Variants in PPA2 observed in about 807,000 individuals in gnomAD.
PPA2 encodes inorganic pyrophosphatase 2.
Under a neutral mutation model 49.5 loss-of-function variants are expected in PPA2, and 48 were observed. The ratio of observed to expected loss-of-function variants is 0.97; its 90% CI spans 0.77 to 1.23. The LOEUF (loss-of-function observed/expected upper bound fraction) is 1.23, where lower values mean the gene tolerates loss of function less well. PPA2 is among the 50% of genes most tolerant of loss of function. The pLI, the probability that PPA2 is intolerant of heterozygous loss-of-function variation, is 0.00. For synonymous variants in PPA2, 131 were observed against 139.9 expected, an observed-to-expected ratio of 0.94 and a Z score of 0.45; for missense variants, 429 against 410.1, an observed-to-expected ratio of 1.05 and a Z score of -0.40.
At chr4:105,408,661 A>G (rs960435283) in intron 7 of PPA2, among the ~76,000 whole-genome samples, 1 of 152,236 alleles carries the variant, frequency 6.6e-6, no homozygotes, top group Non-Finnish European at 1.5e-5. Context: ...TAGAATGTAT[A>G]TATGACTAAA....
chr4:105,421,433 T>C (rs913385860), intron 7 of PPA2, among the ~76,000 whole-genome samples: 8 of 152,324 alleles, frequency 5.3e-5, no homozygotes, highest in East Asian at 1.9e-4. Context: ...TTTCCATGTA[T>C]AAAATTAATT....
At chr4:105,429,327 G>A (rs1033005872) in intron 6 of PPA2, among the ~76,000 whole-genome samples, 6 of 152,116 alleles carry the variant, frequency 3.9e-5, no homozygotes, top group African/African-American at 1.2e-4. Flanking sequence ...CAAAGATGGC[G>A]TATCTTACAG....
intron 10 of PPA2, among the ~76,000 whole-genome samples, chr4:105,382,816 T>A (rs893985009): frequency 6.6e-6 from 1 of 151,982 alleles, no homozygotes; most frequent in African/African-American, 2.4e-5. Flanking sequence ...CTGGGCAATA[T>A]AGCAAAACTC....
intron 9 of PPA2, 28 bp downstream of exon 9, chr4:105,396,221 T>A (rs201347069): frequency 1.8e-5 from 25 of 1,381,658 alleles, no homozygotes; most frequent in South Asian, 4.0e-5. Flanking sequence ...AATATAACAT[T>A]ACTTACATAG....
chr4:105,386,823 T>C (rs1205496221), intron 9 of PPA2, among the ~76,000 whole-genome samples, 187 bp from the exon 10 acceptor site: 2 of 152,196 alleles, frequency 1.3e-5, no homozygotes, highest in East Asian at 3.8e-4. Flanking sequence ...GTTCTAAGTA[T>C]AGAGTAGTCC....
chr4:105,433,433 G>GA (rs1307816328), intron 6 of PPA2, among the ~76,000 whole-genome samples: 1 of 152,156 alleles, frequency 6.6e-6, no homozygotes, highest in Non-Finnish European at 1.5e-5. Context: ...ACTCCCATTT[G>GA]AAAAATTACA....
chr4:105,461,437 C>T (rs1019533718), intron 1 of PPA2, among the ~76,000 whole-genome samples: 1 of 152,172 alleles, frequency 6.6e-6, no homozygotes, highest in Non-Finnish European at 1.5e-5. Flanking sequence ...TTTGTGGAAA[C>T]CACAAAAGGG....
At chr4:105,457,639 T>C (rs1331008960) in intron 1 of PPA2, among the ~76,000 whole-genome samples, 1 of 152,126 alleles carries the variant, frequency 6.6e-6, no homozygotes, top group African/African-American at 2.4e-5. Flanking sequence ...AGTGGCATGA[T>C]CATGGCTCAC....
At chr4:105,473,764 G>T in intron 1 of PPA2, 130 bp downstream of exon 1, 2 of 1,361,588 alleles carry the variant, frequency 1.5e-6, no homozygotes, top group Non-Finnish European at 2.1e-6. Context: ...GGCCTGGACC[G>T]CGCGGCTACC....
chr4:105,383,279 C>A (rs1400934645), intron 10 of PPA2, among the ~76,000 whole-genome samples: 1 of 152,194 alleles, frequency 6.6e-6, no homozygotes, highest in Non-Finnish European at 1.5e-5. Flanking sequence ...TCTTTCAGAT[C>A]TATCCTTCTA....
At chr4:105,417,705 A>G (rs538869837) in intron 7 of PPA2, among the ~76,000 whole-genome samples, 37 of 152,244 alleles carry the variant, frequency 2.4e-4, no homozygotes, top group Middle Eastern at 3.4e-3. Context: ...ACATACCTAC[A>G]CCCATTAATG....
At chr4:105,423,816 A>G (rs1264034967) in intron 7 of PPA2, among the ~76,000 whole-genome samples, 1 of 152,190 alleles carries the variant, frequency 6.6e-6, no homozygotes, top group Non-Finnish European at 1.5e-5. Context: ...TGTTAGTCAT[A>G]TGAACAAAAG....
intron 7 of PPA2, among the ~76,000 whole-genome samples, chr4:105,408,456 G>C (rs2713873): frequency 0.61 from 92,061 of 152,012 alleles, 27,887 homozygotes; most frequent in East Asian, 0.68. Context: ...GTGGGAGATA[G>C]ATTTTTGTGT....
At position 105,458,287 on chromosome 4, in the gene PPA2, G is replaced by C. The variant is rs11946930; in HGVS notation, c.158-1542C>G. 9.1e-3 allele frequency among the ~76,000 whole-genome samples: 1,393 copies of C among 152,256 alleles called. 18 individuals carry two copies. Among genetic ancestry groups the C allele is most frequent in the African/African-American group, 0.032 (1,316 of 41,548 alleles). ...AAAAATGACATTAGTGGAAAAACTA[G>C]TGAAATCCAAATAAAATCTGGAGTT... On this transcript the variant is annotated intron_variant, in intron 1 of 11. Coordinates refer to ENST00000341695, the MANE Select transcript of PPA2 (RefSeq NM_176869.3).
chr4:105,410,236 A>C (rs1457032745), intron 7 of PPA2, among the ~76,000 whole-genome samples: 1 of 152,288 alleles, frequency 6.6e-6, no homozygotes, highest in African/African-American at 2.4e-5. Context: ...GATGGAGCTG[A>C]AAACCACAGC....
intron 6 of PPA2, among the ~76,000 whole-genome samples, chr4:105,425,420 T>G (rs539064001): frequency 6.6e-6 from 1 of 152,040 alleles, no homozygotes; most frequent in Non-Finnish European, 1.5e-5. Context: ...ATATATAATC[T>G]GAAAAGAAAA....
intron 7 of PPA2, chr4:105,423,393 T>C (rs1335033100): frequency 1.3e-5 from 2 of 152,070 alleles, no homozygotes; most frequent in Non-Finnish European, 2.9e-5. Flanking sequence ...TGAGCAAGAA[T>C]AAAACAGGAA....
At position 105,424,657 on chromosome 4, in the gene PPA2, T is replaced by C. The variant is rs78438014; in HGVS notation, c.529-335A>G. On this transcript the variant is annotated intron_variant, in intron 6 of 11. Coordinates refer to ENST00000341695, the MANE Select transcript of PPA2 (RefSeq NM_176869.3). ...ACAGGACTGTGATCCCAGAGAGAAG[T>C]AAACAAATGAGAAGAGATGTGATTG... Among the ~76,000 whole-genome samples the C allele has an allele frequency of 9.5e-3, 1,445 of 151,974 alleles. 17 individuals are homozygous for C. Among genetic ancestry groups the C allele is most frequent in the African/African-American group, 0.033 (1,351 of 41,454 alleles).
chr4:105,379,425 G>GTAGATAGATAGATAGATAGA (rs369483034), intron 10 of PPA2, among the ~76,000 whole-genome samples: 1 of 140,118 alleles, frequency 7.1e-6, no homozygotes, highest in Non-Finnish European at 1.5e-5. Context: ...ATCAATATGT[G>GTAGATAGATAGATAGATAGA]TAGATAGATA....
Sources: gnomAD v4.1 joint callset for allele counts (sites outside exome capture counted in the v4.1 genomes callset) on GRCh38, gnomAD v4.1.1 for gene constraint, MANE v1.5 for transcripts, NCBI Gene and HGNC (gene_info 2026-07-23, HGNC 2026-07-21) for gene names.